The following PTPN9 variants were observed in gnomAD, a reference collection of about 807,000 sequenced individuals.
PTPN9 encodes tyrosine-protein phosphatase non-receptor type 9.
PTPN9 carries 26 observed loss-of-function variants against 69.8 expected under a neutral mutation model. The observed-to-expected ratio is 0.37, with a 90% CI of 0.27 to 0.52. The LOEUF is 0.52. Ranked by LOEUF, PTPN9 falls within the 20% of genes least tolerant of loss-of-function variation. The probability of loss-of-function intolerance (pLI) is 0.91; values close to 1 mark genes in which losing one functional copy is unlikely to be tolerated. For synonymous variants in PTPN9, 274 were observed against 272.5 expected (o/e 1.01, Z -0.05); for missense variants, 549 against 740.3 (o/e 0.74, Z 3.00).
chr15:75,470,198 T>C (rs913767436), intron 11 of PTPN9, among the ~76,000 whole-genome samples, 199 bp from the exon 12 acceptor site: 3 of 152,158 alleles, frequency 2.0e-5, no homozygotes, highest in Non-Finnish European at 2.9e-5. Flanking sequence ...AGAATTCCTA[T>C]ACTGTAAGAT....
chr15:75,542,021 G>T (rs2075010758), intron 1 of PTPN9, among the ~76,000 whole-genome samples: 1 of 150,366 alleles, frequency 6.7e-6, no homozygotes, highest in African/African-American at 2.5e-5. Flanking sequence ...TGGTGACAGA[G>T]CAAGATGCCA....
At chr15:75,552,094 A>C (rs1382638416) in intron 1 of PTPN9, among the ~76,000 whole-genome samples, 1 of 151,936 alleles carries the variant, frequency 6.6e-6, no homozygotes, top group African/African-American at 2.4e-5. Flanking sequence ...TTGACTTAAC[A>C]ATGGTACAAA....
At position 75,570,987 on chromosome 15, in the gene PTPN9, C is replaced by T. The variant is rs140812986; in HGVS notation, c.63+7727G>A. On this transcript the variant is annotated intron_variant, in intron 1 of 12. Coordinates refer to ENST00000618819, the MANE Select transcript of PTPN9 (RefSeq NM_002833.4). ...TATTCAAAAACGATGAGGACGGGCA[C>T]GGTAGCTCATGCCTGTAATCCCAGC... Among the ~76,000 whole-genome samples, 96 of 152,206 alleles carry T rather than the reference C, an allele frequency of 6.3e-4. 1 individual carries two copies. In the South Asian group the frequency reaches 7.0e-3, roughly 11 times the overall value.
intron 2 of PTPN9, 151 bp downstream of exon 2, chr15:75,526,967 C>G (rs2074930853): frequency 1.1e-6 from 1 of 940,744 alleles, no homozygotes; most frequent in Non-Finnish European, 1.6e-6. Flanking sequence ...TGCCCAGCTT[C>G]AGCTCTCACA....
chr15:75,561,801 C>T (rs2075105111), intron 1 of PTPN9, among the ~76,000 whole-genome samples: 1 of 152,110 alleles, frequency 6.6e-6, no homozygotes, highest in Non-Finnish European at 1.5e-5. Flanking sequence ...TCTCTGCCTC[C>T]TGGATTCAAG....
intron 1 of PTPN9, among the ~76,000 whole-genome samples, chr15:75,537,609 G>C (rs1262988074): frequency 6.7e-6 from 1 of 149,314 alleles, no homozygotes; most frequent in Non-Finnish European, 1.5e-5. Context: ...AAAAAACTTA[G>C]CTGGGCGTGG....
At chr15:75,558,309 AGAGT>A (rs2075086237) in intron 1 of PTPN9, among the ~76,000 whole-genome samples, 1 of 150,574 alleles carries the variant, frequency 6.6e-6, no homozygotes, top group Non-Finnish European at 1.5e-5. Context: ...GCCTGGCAAC[AGAGT>A]GAGACTCCAT....
chr15:75,512,806 C>A (rs1241140423), intron 5 of PTPN9: 1 of 282,202 alleles, frequency 3.5e-6, no homozygotes, highest in East Asian at 9.6e-5. Flanking sequence ...CTCTTCCACA[C>A]CTCTGAGACA....
chr15:75,476,058 G>A (rs888554401), intron 9 of PTPN9, among the ~76,000 whole-genome samples: 2 of 152,178 alleles, frequency 1.3e-5, no homozygotes, highest in African/African-American at 4.8e-5. Flanking sequence ...AGGATCACCT[G>A]TGTGTGCCTG....
At chr15:75,527,334 A>C in intron 1 of PTPN9, 73 bp from the exon 2 acceptor site, 1 of 1,541,998 alleles carries the variant, frequency 6.5e-7, no homozygotes, top group Non-Finnish European at 8.9e-7. Flanking sequence ...CAAACAAGTG[A>C]AAACTATCAT....
intron 5 of PTPN9, among the ~76,000 whole-genome samples, chr15:75,512,130 C>T (rs953802846): frequency 5.9e-5 from 9 of 152,224 alleles, no homozygotes; most frequent in Middle Eastern, 6.8e-3. Context: ...CAGGCATGAG[C>T]CACTGTACCC....
intron 7 of PTPN9, 126 bp downstream of exon 7, chr15:75,505,549 G>T: frequency 1.6e-6 from 1 of 628,046 alleles, no homozygotes; most frequent in Non-Finnish European, 2.7e-6. Flanking sequence ...TCATTTATGT[G>T]AGAGTGATGT....
chr15:75,576,291 G>C (rs1250505748), intron 1 of PTPN9, among the ~76,000 whole-genome samples: 1 of 152,002 alleles, frequency 6.6e-6, no homozygotes, highest in East Asian at 1.9e-4. Context: ...CAACACTTTG[G>C]GAGGCCAAGG....
intron 1 of PTPN9, among the ~76,000 whole-genome samples, chr15:75,558,661 T>G (rs959946254): frequency 7.2e-5 from 11 of 152,214 alleles, no homozygotes; most frequent in East Asian, 1.9e-4. Flanking sequence ...GCCGAGTGCC[T>G]GCGACTGCAG....
At chr15:75,531,937 T>C (rs1336374665) in intron 1 of PTPN9, among the ~76,000 whole-genome samples, 5 of 152,154 alleles carry the variant, frequency 3.3e-5, no homozygotes, top group Non-Finnish European at 5.9e-5. Context: ...ATGTTGCTTA[T>C]AGAATAAAAC....
intron 3 of PTPN9, among the ~76,000 whole-genome samples, chr15:75,523,455 G>T (rs963790691): frequency 2.0e-5 from 3 of 151,732 alleles, no homozygotes; most frequent in African/African-American, 7.3e-5. Context: ...TATTTCTGTG[G>T]TAAGAAAAAA....
intron 1 of PTPN9, among the ~76,000 whole-genome samples, chr15:75,557,899 TAAGA>T (rs1320721704): frequency 1.3e-5 from 2 of 152,162 alleles, no homozygotes; most frequent in South Asian, 2.1e-4. Flanking sequence ...TCAGGTTGAC[TAAGA>T]AAGAAAATGG....
At chr15:75,474,089 C>T (rs2074583396) in intron 9 of PTPN9, among the ~76,000 whole-genome samples, 1 of 152,224 alleles carries the variant, frequency 6.6e-6, no homozygotes, top group Admixed American at 6.5e-5. Flanking sequence ...CAGTGTCAAA[C>T]TGTAAGAATC....
chr15:75,542,017 C>G (rs2075010724), intron 1 of PTPN9, among the ~76,000 whole-genome samples: 1 of 151,140 alleles, frequency 6.6e-6, no homozygotes, highest in South Asian at 2.1e-4. Context: ...AGCCTGGTGA[C>G]AGAGCAAGAT....
Sources: gnomAD v4.1 joint callset for allele counts (sites outside exome capture counted in the v4.1 genomes callset) on GRCh38, gnomAD v4.1.1 for gene constraint, MANE v1.5 for transcripts, NCBI Gene and HGNC (gene_info 2026-07-23, HGNC 2026-07-21) for gene names.